ZC3H12B: variants seen among roughly 807,000 people sequenced by gnomAD.
ZC3H12B encodes the protein zinc finger CCCH-type containing 12B.
In ZC3H12B, 7 loss-of-function variants were observed where a neutral mutation model predicts 43.9. The observed-to-expected ratio is 0.16, with a 90% confidence interval of 0.09 to 0.30. The LOEUF is 0.30. Among genes scored for constraint, ZC3H12B ranks in the 10% least tolerant of loss-of-function variants. The pLI is 1.00. For synonymous variants in ZC3H12B, 222 were observed against 241.7 expected (o/e 0.92, Z 0.76); for missense variants, 475 against 670.2 (o/e 0.71, Z 3.22).
the ZC3H12B span, among the ~76,000 whole-genome samples, chrX:65,193,989 A>T: frequency 0.082 from 9,057 of 110,387 alleles, 1,030 homozygotes; most frequent in African/African-American, 0.29. Context: ...CCAACACTTC[A>T]TGTGGCTGGA....
intron 3 of ZC3H12B, among the ~76,000 whole-genome samples, chrX:65,440,992 A>T (rs1047323764): frequency 1.3e-4 from 15 of 112,170 alleles, no homozygotes; most frequent in South Asian, 3.7e-4. Flanking sequence ...TGCCATCAAA[A>T]TTTTTTTCCT....
chrX:65,497,322 G>C (rs2068301947), intron 2 of ZC3H12B, 51 bp downstream of exon 7: 4 of 1,116,811 alleles, frequency 3.6e-6, no homozygotes, highest in Non-Finnish European at 4.8e-6. Flanking sequence ...AATCTGGAAA[G>C]ATAGTTTGGG....
the ZC3H12B span, among the ~76,000 whole-genome samples, chrX:65,318,397 C>T: frequency 1.9e-5 from 2 of 104,854 alleles, no homozygotes; most frequent in Non-Finnish European, 2.0e-5. Flanking sequence ...CTTCTTCCTT[C>T]TTCTTCTTCT....
At chrX:65,259,457 C>T in the ZC3H12B span, among the ~76,000 whole-genome samples, 1 of 111,428 alleles carries the variant, frequency 9.0e-6, no homozygotes, top group East Asian at 2.8e-4. Flanking sequence ...AACTATAAAA[C>T]CCTGGGAGAT....
At chrX:65,275,904 TCAATGAAATA>T in the ZC3H12B span, among the ~76,000 whole-genome samples, 3 of 111,718 alleles carry the variant, frequency 2.7e-5, no homozygotes, top group South Asian at 1.1e-3. Flanking sequence ...TCAAGGAAAC[TCAATGAAATA>T]CAATAGAATG....
At chrX:65,446,317 G>C (rs2067375710) in intron 3 of ZC3H12B, among the ~76,000 whole-genome samples, 1 of 111,943 alleles carries the variant, frequency 8.9e-6, no homozygotes, top group Non-Finnish European at 1.9e-5. Flanking sequence ...GGTTAAGAGA[G>C]AGGTGACACA....
chrX:65,486,466 G>A (rs765461890), upstream of ZC3H12B, among the ~76,000 whole-genome samples: 151 of 111,735 alleles, frequency 1.4e-3, 1 homozygote, highest in African/African-American at 4.8e-3. Flanking sequence ...CTTGTCCCAA[G>A]GATTTTTGCA....
the ZC3H12B span, among the ~76,000 whole-genome samples, chrX:65,106,918 G>A: frequency 1.8e-5 from 2 of 111,148 alleles, no homozygotes; most frequent in African/African-American, 6.5e-5. Flanking sequence ...AACTTTTCCA[G>A]GGTCACACAG....
At chrX:65,302,505 T>G in the ZC3H12B span, among the ~76,000 whole-genome samples, 1 of 111,618 alleles carries the variant, frequency 9.0e-6, no homozygotes, top group African/African-American at 3.2e-5. Flanking sequence ...ATGAAAAAAA[T>G]TAAAGAAGAA....
At chrX:65,436,469 A>G (rs1393249935) in intron 3 of ZC3H12B, among the ~76,000 whole-genome samples, 2 of 112,487 alleles carry the variant, frequency 1.8e-5, no homozygotes, top group African/African-American at 6.5e-5. Flanking sequence ...GGTGAGGTGG[A>G]TCTTCCTTCC....
the ZC3H12B span, among the ~76,000 whole-genome samples, chrX:65,181,884 C>T: frequency 8.9e-6 from 1 of 111,746 alleles, no homozygotes; most frequent in African/African-American, 3.3e-5. Context: ...CCATATGACC[C>T]AGCAATCTCA....
the ZC3H12B span, among the ~76,000 whole-genome samples, chrX:65,136,742 G>T: frequency 1.8e-5 from 2 of 111,548 alleles, no homozygotes; most frequent in Admixed American, 9.5e-5. Context: ...CTCTCAACTC[G>T]TGAAGTCCCT....
the ZC3H12B span, among the ~76,000 whole-genome samples, chrX:65,266,978 T>C: frequency 9.1e-6 from 1 of 110,072 alleles, no homozygotes; most frequent in Non-Finnish European, 1.9e-5. Context: ...GTTTTAAAGC[T>C]CCCTGGGAAA....
At chrX:65,476,988 ATT>A (rs3065468) in intron 3 of ZC3H12B, among the ~76,000 whole-genome samples, 19 of 90,666 alleles carry the variant, frequency 2.1e-4, no homozygotes, top group Middle Eastern at 5.4e-3. Context: ...CTCCTGACTA[ATT>A]TTTTTTTTTT....
the ZC3H12B span, among the ~76,000 whole-genome samples, chrX:65,345,245 G>A: frequency 8.9e-6 from 1 of 111,999 alleles, no homozygotes; most frequent in African/African-American, 3.2e-5. Flanking sequence ...ACACATGCAT[G>A]CATATGTACA....
the ZC3H12B span, among the ~76,000 whole-genome samples, chrX:65,216,161 C>G: frequency 9.0e-6 from 1 of 111,698 alleles, no homozygotes; most frequent in Non-Finnish European, 1.9e-5. Context: ...TCATATGAAC[C>G]CAAAGCCAGA....
intron 2 of ZC3H12B, among the ~76,000 whole-genome samples, chrX:65,398,102 G>A (rs1418654749): frequency 9.0e-6 from 1 of 110,988 alleles, no homozygotes; most frequent in African/African-American, 3.3e-5. Flanking sequence ...AATTAAACAT[G>A]GATGCAAGAA....
At chrX:65,229,482 T>A in the ZC3H12B span, among the ~76,000 whole-genome samples, 8 of 109,291 alleles carry the variant, frequency 7.3e-5, no homozygotes, top group Non-Finnish European at 5.7e-5. Flanking sequence ...GGGCAAGGAC[T>A]TCATGTCTAA....
the ZC3H12B span, among the ~76,000 whole-genome samples, chrX:65,293,836 C>T: frequency 9.0e-6 from 1 of 111,306 alleles, no homozygotes; most frequent in African/African-American, 3.3e-5. Context: ...TGAACAAAGC[C>T]TCCAAGAAGT....
Sources: allele counts gnomAD v4.1 joint callset (sites outside exome capture counted in the v4.1 genomes callset), GRCh38; gene constraint gnomAD v4.1.1; transcripts MANE v1.5; gene names NCBI Gene and HGNC (gene_info 2026-07-23, HGNC 2026-07-21).